The following SEMA6D variants were observed in gnomAD, a reference collection of about 807,000 sequenced individuals.
The protein encoded by SEMA6D is semaphorin 6D.
Under a neutral mutation model 106.6 loss-of-function variants are expected in SEMA6D, and 35 were observed. The ratio of observed to expected loss-of-function variants is 0.33; its 90% confidence interval spans 0.25 to 0.44. The LOEUF (loss-of-function observed/expected upper bound fraction) is 0.44. Among genes scored for constraint, SEMA6D ranks in the 20% least tolerant of loss-of-function variants. The pLI is 1.00. For missense variants in SEMA6D, 1,185 were observed against 1,345.9 expected, an observed-to-expected ratio of 0.88 and a Z score of 1.87; for synonymous variants, 499 against 487.7, an observed-to-expected ratio of 1.02 and a Z score of -0.31.
At chr15:47,621,637 A>G (rs1041307584) in intron 4 of SEMA6D, among the ~76,000 whole-genome samples, 4 of 152,068 alleles carry the variant, frequency 2.6e-5, no homozygotes, top group Admixed American at 6.5e-5. Flanking sequence ...AGAGCATGAA[A>G]AGTGGTAAAG....
chr15:47,468,724 A>C (rs1180705310), intron 2 of SEMA6D, among the ~76,000 whole-genome samples: 1 of 152,188 alleles, frequency 6.6e-6, no homozygotes, highest in African/African-American at 2.4e-5. Flanking sequence ...AGAAAAGATC[A>C]ATAAAGCACA....
At chr15:47,319,196 G>T (rs1411791841) in intron 1 of SEMA6D, among the ~76,000 whole-genome samples, 7 of 152,050 alleles carry the variant, frequency 4.6e-5, no homozygotes, top group Admixed American at 4.6e-4. Flanking sequence ...TACATTGATT[G>T]TAAGTTCTTG....
At chr15:47,594,578 C>A (rs1414082570) in intron 3 of SEMA6D, among the ~76,000 whole-genome samples, 1 of 152,162 alleles carries the variant, frequency 6.6e-6, no homozygotes, top group Admixed American at 6.5e-5. Context: ...GTTCCAGGAC[C>A]TATACTTTGG....
At chr15:47,735,452 A>G (rs1163015384) in intron 1 of SEMA6D, among the ~76,000 whole-genome samples, 1 of 152,172 alleles carries the variant, frequency 6.6e-6, no homozygotes, top group African/African-American at 2.4e-5. Context: ...ATTGCTACAA[A>G]GTCTGTATTA....
At chr15:47,424,104 G>A (rs2041256507) in intron 2 of SEMA6D, among the ~76,000 whole-genome samples, 1 of 152,046 alleles carries the variant, frequency 6.6e-6, no homozygotes. Context: ...ATCTGAAGCA[G>A]CAAATGGCAT....
At chr15:47,655,369 C>T (rs973010253) in intron 4 of SEMA6D, among the ~76,000 whole-genome samples, 1 of 152,162 alleles carries the variant, frequency 6.6e-6, no homozygotes, top group Non-Finnish European at 1.5e-5. Context: ...GGGTTGAGGA[C>T]TGTTGTCATA....
intron 1 of SEMA6D, among the ~76,000 whole-genome samples, chr15:47,273,241 T>G (rs2034639732): frequency 9.2e-6 from 1 of 108,696 alleles, no homozygotes. Flanking sequence ...AGCCTTCTTT[T>G]GTCTTGCCTT....
chr15:47,442,015 C>T (rs1347328875), intron 2 of SEMA6D, among the ~76,000 whole-genome samples: 3 of 152,070 alleles, frequency 2.0e-5, no homozygotes, highest in Non-Finnish European at 4.4e-5. Flanking sequence ...CCTCCTTCAT[C>T]ATATACAATT....
chr15:47,630,950 C>G (rs1247443840), intron 4 of SEMA6D, among the ~76,000 whole-genome samples: 1 of 151,820 alleles, frequency 6.6e-6, no homozygotes, highest in Non-Finnish European at 1.5e-5. Context: ...ATAAATACCA[C>G]TTGCTCATGG....
intron 3 of SEMA6D, among the ~76,000 whole-genome samples, chr15:47,502,083 G>A (rs576899198): frequency 9.9e-5 from 15 of 152,050 alleles, no homozygotes; most frequent in African/African-American, 3.4e-4. Flanking sequence ...TAGCATCCAC[G>A]CTAACAACAA....
At chr15:47,218,575 C>G (rs1311820251) in intron 1 of SEMA6D, among the ~76,000 whole-genome samples, 1 of 152,196 alleles carries the variant, frequency 6.6e-6, no homozygotes, top group African/African-American at 2.4e-5. Context: ...CTATTATCTA[C>G]AACTCAGTCA....
At chr15:47,226,289 T>A (rs756273027) in intron 1 of SEMA6D, among the ~76,000 whole-genome samples, 1 of 152,194 alleles carries the variant, frequency 6.6e-6, no homozygotes, top group Middle Eastern at 3.4e-3. Context: ...TGATCTCAGA[T>A]TTCTAGCCTC....
At chr15:47,353,909 T>G (rs1268372862) in intron 1 of SEMA6D, among the ~76,000 whole-genome samples, 1 of 152,128 alleles carries the variant, frequency 6.6e-6, no homozygotes, top group African/African-American at 2.4e-5. Context: ...AGACGAGATG[T>G]GCAGGCAATT....
intron 1 of SEMA6D, among the ~76,000 whole-genome samples, chr15:47,202,653 C>A (rs1389304899): frequency 6.6e-6 from 1 of 152,156 alleles, no homozygotes; most frequent in Non-Finnish European, 1.5e-5. Context: ...CCTTCGTGGC[C>A]CTCTTCCAAG....
intron 3 of SEMA6D, among the ~76,000 whole-genome samples, chr15:47,583,461 G>A (rs952119492): frequency 2.0e-5 from 3 of 152,142 alleles, no homozygotes; most frequent in Non-Finnish European, 4.4e-5. Flanking sequence ...TAGGTAGTCA[G>A]GGCTGGAAGT....
At chr15:47,745,803 A>G (rs1333197686) in intron 1 of SEMA6D, among the ~76,000 whole-genome samples, 3 of 152,226 alleles carry the variant, frequency 2.0e-5, no homozygotes, top group African/African-American at 7.2e-5. Context: ...GATCTATCAA[A>G]TGGAACCTAA....
chr15:47,686,582 G>A (rs2078474298), intron 4 of SEMA6D, among the ~76,000 whole-genome samples: 1 of 152,144 alleles, frequency 6.6e-6, no homozygotes, highest in East Asian at 1.9e-4. Flanking sequence ...ACCAAACTTG[G>A]TGAGACCCTC....
At chr15:47,490,606 C>T (rs1023086091) in intron 3 of SEMA6D, among the ~76,000 whole-genome samples, 8 of 152,150 alleles carry the variant, frequency 5.3e-5, no homozygotes, top group African/African-American at 1.9e-4. Flanking sequence ...GATTGCGCCA[C>T]TGCACTCCAG....
chr15:47,441,603 G>A lies in SEMA6D; in HGVS notation c.-158-28871G>A, dbSNP rs57950047. 9.0e-3 allele frequency among the ~76,000 whole-genome samples: 1,366 copies of A among 152,170 alleles called. 14 individuals are homozygous for A. The highest frequency in any genetic ancestry group is 0.031 in the African/African-American group (1,301 of 41,524). On this transcript the variant is annotated intron_variant, in intron 2 of 19. Coordinates refer to the SEMA6D transcript ENST00000558014. ...CAGCCATAGATGCTGCATAAGTTTT[G>A]GCAACAGCAGATCCCAGTTTTCTGA...
Sources: gnomAD v4.1 joint callset for allele counts (sites outside exome capture counted in the v4.1 genomes callset) on GRCh38, gnomAD v4.1.1 for gene constraint, MANE v1.5 for transcripts, NCBI Gene and HGNC (gene_info 2026-07-23, HGNC 2026-07-21) for gene names.